Variants in IFT81 observed in about 807,000 individuals in gnomAD.
IFT81 encodes intraflagellar transport 81.
IFT81 carries 72 observed loss-of-function variants against 102.6 expected under a neutral mutation model. The observed-to-expected ratio is 0.70, with a 90% CI of 0.58 to 0.85. The LOEUF is 0.85. IFT81 is among the 40% of genes least tolerant of loss of function. The pLI is 0.00. For synonymous variants in IFT81, 237 were observed against 242.7 expected (o/e 0.98, Z 0.22); for missense variants, 723 against 787.3 (o/e 0.92, Z 0.98).
At chr12:110,146,805 A>T in intron 9 of IFT81, 148 bp from the exon 10 acceptor site, 7 of 649,282 alleles carry the variant, frequency 1.1e-5, no homozygotes, top group Non-Finnish European at 1.3e-5. Flanking sequence ...CCCATCTCTT[A>T]AAAAAAAAAT....
intron 18 of IFT81, among the ~76,000 whole-genome samples, chr12:110,215,673 T>C (rs892743716): frequency 8.6e-5 from 13 of 151,742 alleles, no homozygotes; most frequent in African/African-American, 3.1e-4. Context: ...CGTCTCACTT[T>C]GTTGCCCAGG....
At position 110,208,851 on chromosome 12, in the gene IFT81, C is replaced by A. The variant is rs893494268; in HGVS notation, c.1803-320C>A. 6.6e-5 allele frequency among the ~76,000 whole-genome samples: 10 copies of A among 152,294 alleles called. No individual in the cohort carries two copies. In the South Asian group the frequency reaches 1.0e-3, roughly 16 times the overall value. On this transcript the variant is annotated intron_variant, in intron 17 of 18. Coordinates refer to ENST00000242591, the MANE Select transcript of IFT81 (RefSeq NM_014055.4). The stretch of plus-strand genomic sequence containing the variant: ...CCTTTCTCCTTTCTACAAACCTCTT[C>A]AAAAACAATGTGTAATTTAAGCAGA...
At chr12:110,176,417 T>C (rs1897037976) in intron 11 of IFT81, among the ~76,000 whole-genome samples, 1 of 152,224 alleles carries the variant, frequency 6.6e-6, no homozygotes, top group Non-Finnish European at 1.5e-5. Context: ...CAATTTTTAC[T>C]CTTATTCTCA....
chr12:110,145,716 T>C (rs1191568817), intron 9 of IFT81, among the ~76,000 whole-genome samples: 5 of 152,092 alleles, frequency 3.3e-5, no homozygotes, highest in Admixed American at 2.6e-4. Context: ...ATTACAGGTG[T>C]GAGCCACCGC....
chr12:110,130,921 A>G (rs1225212831), intron 4 of IFT81, among the ~76,000 whole-genome samples: 3 of 152,292 alleles, frequency 2.0e-5, no homozygotes, highest in South Asian at 4.1e-4. Flanking sequence ...GAAGGGTCTT[A>G]TAATTAATAA....
At chr12:110,206,322 A>G (rs1179308675) in intron 17 of IFT81, among the ~76,000 whole-genome samples, 1 of 152,218 alleles carries the variant, frequency 6.6e-6, no homozygotes, top group East Asian at 1.9e-4. Context: ...TCCTGCCTAA[A>G]AAAAAATACA....
chr12:110,194,595 A>C (rs1897927922), intron 14 of IFT81, among the ~76,000 whole-genome samples: 1 of 152,160 alleles, frequency 6.6e-6, no homozygotes, highest in Non-Finnish European at 1.5e-5. Flanking sequence ...TAGAGTATGC[A>C]ATCTGATAAT....
At chr12:110,163,108 T>G in intron 11 of IFT81, 43 bp downstream of exon 11, 1 of 1,542,048 alleles carries the variant, frequency 6.5e-7, no homozygotes, top group East Asian at 2.3e-5. Context: ...GAGTATTGTT[T>G]TTATGTGAAA....
intron 11 of IFT81, among the ~76,000 whole-genome samples, chr12:110,173,339 TG>T (rs1249062039): frequency 2.5e-4 from 27 of 109,094 alleles, no homozygotes; most frequent in Non-Finnish European, 4.2e-4. Flanking sequence ...GGGAGGGAGG[TG>T]GGGGGGTCAG....
chr12:110,212,734 G>A (rs904178210), intron 18 of IFT81, among the ~76,000 whole-genome samples: 7 of 152,162 alleles, frequency 4.6e-5, no homozygotes, highest in Middle Eastern at 3.4e-3. Flanking sequence ...CTACTCAGGA[G>A]GCTGAGGCAG....
chr12:110,202,304 G>A (rs2137579135), intron 14 of IFT81, among the ~76,000 whole-genome samples: 3 of 152,234 alleles, frequency 2.0e-5, no homozygotes, highest in South Asian at 4.1e-4. Context: ...AGCATTTCTA[G>A]GTGTTTGTAG....
chr12:110,192,415 C>T lies in IFT81; in HGVS notation c.1468-202C>T, dbSNP rs61940951. ...AATGGTTTACAGTCTTGAGAACTGA[C>T]GTTTTGAATGATTAAATAGTATAGT... On this transcript the variant is annotated intron_variant, in intron 13 of 18. Transcript: ENST00000242591. Among the ~76,000 whole-genome samples the T allele has an allele frequency of 0.053, 8,019 of 152,104 alleles. 286 individuals are homozygous for T. Among genetic ancestry groups the T allele is most frequent in the Middle Eastern group, 0.078 (23 of 294 alleles).
chr12:110,133,074 G>T (rs1894270795), intron 5 of IFT81, among the ~76,000 whole-genome samples: 1 of 147,824 alleles, frequency 6.8e-6, no homozygotes, highest in African/African-American at 2.5e-5. Context: ...AGGTTCAAAT[G>T]ATCCACATGC....
intron 10 of IFT81, among the ~76,000 whole-genome samples, chr12:110,157,115 C>T (rs1180625701): frequency 6.6e-5 from 10 of 151,612 alleles, no homozygotes; most frequent in Admixed American, 1.3e-4. Flanking sequence ...TTTGGGAGGC[C>T]GAGGCAGGCA....
rs185822106 is a variant in IFT81 at position 110,159,321 on chromosome 12, G to A, written c.1042-3598G>A. The stretch of plus-strand genomic sequence containing the variant: ...TAAAAACACAGAAATATACCTGGGC[G>A]TGGTGGTGTGTACCTGTGGTCTCAG... On this transcript the variant is annotated intron_variant, in intron 10 of 18. Transcript: ENST00000242591. Among the ~76,000 whole-genome samples the A allele has an allele frequency of 1.6e-4, 24 of 152,172 alleles. No individual in the cohort carries two copies. In the East Asian group the frequency reaches 3.1e-3, roughly 20 times the overall value.
Position 110,184,267 on chromosome 12 carries a change from G to A in IFT81, c.1338+3696G>A, listed in dbSNP as rs569616530. Among the ~76,000 whole-genome samples, 129 of 152,158 alleles carry A rather than the reference G, an allele frequency of 8.5e-4. 1 individual carries two copies. Among genetic ancestry groups the A allele is most frequent in the Middle Eastern group, 6.8e-3 (2 of 292 alleles). ...CGGGAGGCTGAGGCAGGAGAATGGC[G>A]TGAACCCCGGAGGCAGAGCTTGCAG... On this transcript the variant is annotated intron_variant, in intron 12 of 18. Coordinates refer to ENST00000242591, the MANE Select transcript of IFT81 (RefSeq NM_014055.4).
rs201068701 is a variant in IFT81 at position 110,191,498 on chromosome 12, AT to A, written c.1467+457del. The stretch of plus-strand genomic sequence containing the variant: ...ATCTGTCTTTATCAATCTCTTTTGA[AT>A]TTTTTTCATTCTAGTAAGGTTGTTC... On this transcript the variant is annotated intron_variant, in intron 13 of 18. Coordinates refer to ENST00000242591, the MANE Select transcript of IFT81 (RefSeq NM_014055.4). Among the ~76,000 whole-genome samples, 348 of 151,962 alleles carry A rather than the reference AT, an allele frequency of 2.3e-3. 5 individuals are homozygous for A. Among genetic ancestry groups the A allele is most frequent in the East Asian group, 1.4e-3 (7 of 5,180 alleles).
intron 11 of IFT81, among the ~76,000 whole-genome samples, chr12:110,178,594 G>A (rs1334491305): frequency 6.8e-6 from 1 of 146,176 alleles, no homozygotes; most frequent in East Asian, 2.1e-4. Flanking sequence ...GCTTTAAGAA[G>A]CACTGGACAT....
Position 110,180,579 on chromosome 12 carries a change from A to G in IFT81, c.1338+8A>G, listed in dbSNP as rs1368452762. On this transcript the variant is annotated splice_region_variant and intron_variant, in intron 12 of 18. Transcript: ENST00000242591. ...AATATTCAACAACAACTGGTAATACAGTATTATCTTGGGCTACTATAAATA... is the reference window on the plus strand; with the variant it reads ...AATATTCAACAACAACTGGTAATACGGTATTATCTTGGGCTACTATAAATA... 3 of 1,588,530 alleles carry G rather than the reference A, an allele frequency of 1.9e-6. No individual in the cohort carries two copies. The highest frequency in any genetic ancestry group is 1.1e-5 in the South Asian group (1 of 87,702).
Sources: gnomAD v4.1 joint callset for allele counts (sites outside exome capture counted in the v4.1 genomes callset) on GRCh38, gnomAD v4.1.1 for gene constraint, MANE v1.5 for transcripts, NCBI Gene and HGNC (gene_info 2026-07-23, HGNC 2026-07-21) for gene names.